Variants in TRIM5 observed in about 807,000 individuals in gnomAD.
TRIM5 encodes the protein tripartite motif containing 5.
Under a neutral mutation model 35.6 loss-of-function variants are expected in TRIM5, and 31 were observed. The observed-to-expected ratio is 0.87, with a 90% CI of 0.65 to 1.18. TRIM5 has a LOEUF of 1.18. TRIM5 is among the 50% of genes most tolerant of loss of function. The pLI, the probability that TRIM5 is intolerant of heterozygous loss-of-function variation, is 0.00. For missense variants in TRIM5, 609 were observed against 591.6 expected, an observed-to-expected ratio of 1.03 and a Z score of -0.31; for synonymous variants, 243 against 215.6, an observed-to-expected ratio of 1.13 and a Z score of -1.11.
At chr11:5,634,496 C>CACACACACACACAA in the TRIM5 span, 3 of 166,224 alleles carry the variant, frequency 1.8e-5, no homozygotes, top group Non-Finnish European at 1.2e-5. Context: ...TATAAATACA[C>CACACACACACACAA]ACACACACAC....
the TRIM5 span, among the ~76,000 whole-genome samples, chr11:5,644,980 C>A: frequency 1.3e-5 from 2 of 152,114 alleles, no homozygotes; most frequent in African/African-American, 2.4e-5. Context: ...CTGTATTGTT[C>A]CCACTCTTGC....
At chr11:5,608,009 C>CAA in the TRIM5 span, among the ~76,000 whole-genome samples, 3 of 152,184 alleles carry the variant, frequency 2.0e-5, no homozygotes, top group African/African-American at 7.2e-5. Flanking sequence ...GTATCTTCAG[C>CAA]AACCAGAACA....
chr11:5,606,930 G>A, the TRIM5 span, among the ~76,000 whole-genome samples: 1 of 152,188 alleles, frequency 6.6e-6, no homozygotes, highest in Non-Finnish European at 1.5e-5. Flanking sequence ...AAGGCCGAGC[G>A]CGGTGGCTCA....
the TRIM5 span, among the ~76,000 whole-genome samples, chr11:5,619,408 A>T: frequency 6.6e-6 from 1 of 152,154 alleles, no homozygotes; most frequent in South Asian, 2.1e-4. Flanking sequence ...AGTGGAGAGT[A>T]GGCCTTTGTT....
the TRIM5 span, chr11:5,643,058 C>G: frequency 7.8e-7 from 1 of 1,288,356 alleles, no homozygotes; most frequent in African/African-American, 1.5e-5. Context: ...CTAGATAAAC[C>G]TACTCCATAT....
At position 5,679,119 on chromosome 11, in the gene TRIM5, A is replaced by G. The variant is rs1852223585; in HGVS notation, c.468T>C (p.Ala156=). ...LEMLRQKQQE[A]EELEADIREE... ...CTCTGATGTCAGCTTCTAACTCTTC[A>G]GCTTCCTGCTGCTTCTGCCTCAGCA... Residue 156 remains alanine (A), a synonymous_variant, in exon 3 of 8, where the codon GCT becomes GCC. Coordinates refer to ENST00000380034, the MANE Select transcript of TRIM5 (RefSeq NM_033034.3). The G allele has an allele frequency of 1.2e-6, 2 of 1,614,016 alleles. No individual in the cohort carries two copies. The highest frequency in any genetic ancestry group is 1.3e-5 in the African/African-American group (1 of 74,936).
chr11:5,599,505 G>A, the TRIM5 span, among the ~76,000 whole-genome samples: 75,142 of 151,852 alleles, frequency 0.49, 19,030 homozygotes, highest in Middle Eastern at 0.71. Flanking sequence ...CCGGGTTCAC[G>A]CCATTCTCCT....
the TRIM5 span, chr11:5,605,287 A>G: frequency 6.2e-7 from 1 of 1,611,108 alleles, no homozygotes. Flanking sequence ...AATAGAGGAG[A>G]CCCTCAGTGT....
Position 5,667,722 on chromosome 11 carries a change from G to A in TRIM5, c.745-11C>T. The A allele has an allele frequency of 1.2e-6, 2 of 1,613,006 alleles. No individual in the cohort carries two copies. Among genetic ancestry groups the A allele is most frequent in the Non-Finnish European group, 1.7e-6 (2 of 1,179,684 alleles). On this transcript the variant is annotated splice_polypyrimidine_tract_variant and intron_variant, in intron 4 of 7. Coordinates refer to ENST00000380034, the MANE Select transcript of TRIM5 (RefSeq NM_033034.3). ...GACGCCATCCACACCCTAGGAAGAAGAGAGAAAACATCAATTAAGAAAGAA... is the reference window on the plus strand; with the variant it reads ...GACGCCATCCACACCCTAGGAAGAAAAGAGAAAACATCAATTAAGAAAGAA...
At chr11:5,634,530 C>CACACACACATAT in the TRIM5 span, 5 of 262,002 alleles carry the variant, frequency 1.9e-5, no homozygotes, top group African/African-American at 1.6e-4. Context: ...CACACACACA[C>CACACACACATAT]ATATATATAT....
Position 5,663,658 on chromosome 11 carries a change from TA to T in TRIM5, c.*1150del. The T allele has an allele frequency of 1.3e-6, 1 of 779,980 alleles. No individual in the cohort carries two copies. Among genetic ancestry groups the T allele is most frequent in the Non-Finnish European group, 1.6e-6 (1 of 642,488 alleles). The allele number at this position is 779,980 out of a possible 1,614,324, so 48.3% of individuals were successfully genotyped here. On this transcript the variant is annotated 3_prime_UTR_variant, in exon 8 of 8. Transcript: ENST00000380034. ...GCTTTTAATTGACAAATAATAAATA[TA>T]CATATTTATGTGGTACAGTGTGATG...
At chr11:5,604,569 C>CGAGGAGCAGGAAGCT in the TRIM5 span, 6 of 1,612,718 alleles carry the variant, frequency 3.7e-6, no homozygotes, top group Non-Finnish European at 5.1e-6. Context: ...AGCTGAAGAA[C>CGAGGAGCAGGAAGCT]GAGGAGCAGG....
At chr11:5,605,152 C>A in the TRIM5 span, 1 of 766,980 alleles carries the variant, frequency 1.3e-6, no homozygotes, top group Non-Finnish European at 2.1e-6. Context: ...ATGGTCTGGG[C>A]AGAGCTGAAG....
chr11:5,596,541 C>G, the TRIM5 span: 1 of 61,538 alleles, frequency 1.6e-5, no homozygotes, highest in African/African-American at 5.6e-5. Context: ...CCCCTTCCCC[C>G]TTCCCCCTTC....
chr11:5,592,870 T>C, the TRIM5 span, among the ~76,000 whole-genome samples: 13 of 144,774 alleles, frequency 9.0e-5, no homozygotes, highest in Admixed American at 1.4e-4. Context: ...TGAGCTGAGA[T>C]TGTGCTACTA....
the TRIM5 span, among the ~76,000 whole-genome samples, chr11:5,638,694 G>A: frequency 1.2e-4 from 19 of 152,182 alleles, no homozygotes; most frequent in Admixed American, 1.2e-3. Flanking sequence ...CAATATGGCT[G>A]GAGAACAGCT....
the TRIM5 span, among the ~76,000 whole-genome samples, chr11:5,604,186 G>A: frequency 6.6e-6 from 1 of 151,420 alleles, no homozygotes; most frequent in Non-Finnish European, 1.5e-5. Flanking sequence ...GCGTGTGTGT[G>A]TGTGTTTAGT....
the TRIM5 span, chr11:5,641,192 G>A: frequency 5.6e-6 from 9 of 1,613,644 alleles, no homozygotes; most frequent in Non-Finnish European, 7.6e-6. Flanking sequence ...ATGAAATGGT[G>A]CGTATGGGTG....
chr11:5,596,088 C>T, the TRIM5 span: 2 of 152,574 alleles, frequency 1.3e-5, no homozygotes, highest in Non-Finnish European at 2.9e-5. Context: ...CTCCTCCTCC[C>T]CAGGCCCCGC....
Sources: gnomAD v4.1 joint callset for allele counts (sites outside exome capture counted in the v4.1 genomes callset) on GRCh38, gnomAD v4.1.1 for gene constraint, MANE v1.5 for transcripts, NCBI Gene and HGNC (gene_info 2026-07-23, HGNC 2026-07-21) for gene names.